Variants in MAP3K5 observed in about 807,000 individuals in gnomAD.
MAP3K5 encodes mitogen-activated protein kinase kinase kinase 5.
In MAP3K5, 56 loss-of-function variants were observed where a neutral mutation model predicts 158.7. That is an observed-to-expected ratio of 0.35 (90% CI 0.28 to 0.44). MAP3K5 has a LOEUF of 0.44. Ranked by LOEUF, MAP3K5 falls within the 20% of genes least tolerant of loss-of-function variation. The pLI is 1.00. For synonymous variants in MAP3K5, 579 were observed against 601.7 expected, an observed-to-expected ratio of 0.96 and a Z score of 0.55; for missense variants, 1,294 against 1,674.8, an observed-to-expected ratio of 0.77 and a Z score of 3.97.
intron 1 of MAP3K5, among the ~76,000 whole-genome samples, chr6:136,784,166 T>G (rs546215529): frequency 6.6e-6 from 1 of 152,172 alleles, no homozygotes; most frequent in Admixed American, 6.5e-5. Context: ...AACTACCAAC[T>G]GATAATGTCT....
At chr6:136,707,706 C>T (rs573057854) in intron 2 of MAP3K5, among the ~76,000 whole-genome samples, 1 of 152,178 alleles carries the variant, frequency 6.6e-6, no homozygotes, top group Non-Finnish European at 1.5e-5. Context: ...TCTGTGAGCA[C>T]CTGGCAGTCA....
chr6:136,789,315 CAAATA>C (rs1218590491), intron 1 of MAP3K5, among the ~76,000 whole-genome samples: 1 of 152,076 alleles, frequency 6.6e-6, no homozygotes, highest in Non-Finnish European at 1.5e-5. Context: ...GTCTCTAAAA[CAAATA>C]AAATAAAATA....
chr6:136,590,269 T>C (rs1396359924), intron 23 of MAP3K5, among the ~76,000 whole-genome samples: 2 of 152,318 alleles, frequency 1.3e-5, no homozygotes, highest in East Asian at 3.9e-4. Context: ...CTTTTCTTTA[T>C]AAATTACTGA....
intron 2 of MAP3K5, among the ~76,000 whole-genome samples, chr6:136,706,441 G>A (rs939454609): frequency 2.6e-5 from 4 of 152,148 alleles, no homozygotes; most frequent in Non-Finnish European, 5.9e-5. Context: ...TACAGACACC[G>A]GAGAGACGAT....
chr6:136,770,181 T>TG (rs1360430770), intron 1 of MAP3K5, among the ~76,000 whole-genome samples: 8 of 152,176 alleles, frequency 5.3e-5, no homozygotes, highest in African/African-American at 1.9e-4. Context: ...GAGACCATGT[T>TG]GGGGCATCTC....
At chr6:136,581,630 CT>C (rs1035089953) in intron 24 of MAP3K5, among the ~76,000 whole-genome samples, 1 of 152,306 alleles carries the variant, frequency 6.6e-6, no homozygotes, top group African/African-American at 2.4e-5. Context: ...CATGCCTGTC[CT>C]TGGTCCATCT....
intron 2 of MAP3K5, among the ~76,000 whole-genome samples, chr6:136,709,328 C>A (rs1402368987): frequency 6.6e-6 from 1 of 152,152 alleles, no homozygotes; most frequent in East Asian, 1.9e-4. Context: ...GCTCTGCTCC[C>A]AGCTAGCCAT....
chr6:136,632,562 A>G (rs1226706288), intron 14 of MAP3K5, among the ~76,000 whole-genome samples: 1 of 152,178 alleles, frequency 6.6e-6, no homozygotes, highest in Admixed American at 6.5e-5. Flanking sequence ...GGGGAGTCGC[A>G]GGATTAAATC....
chr6:136,601,700 T>C (rs190499856), intron 20 of MAP3K5, 102 bp downstream of exon 20: 9 of 989,930 alleles, frequency 9.1e-6, no homozygotes, highest in Middle Eastern at 2.7e-4. Flanking sequence ...CAATTTCCAG[T>C]GATATCTGTA....
intron 1 of MAP3K5, among the ~76,000 whole-genome samples, chr6:136,771,942 C>G (rs1385932916): frequency 6.6e-6 from 1 of 151,304 alleles, no homozygotes; most frequent in Non-Finnish European, 1.5e-5. Context: ...TTTTTTGAGA[C>G]ACAGTCTTGC....
intron 7 of MAP3K5, among the ~76,000 whole-genome samples, chr6:136,672,915 C>T (rs575275216): frequency 4.0e-4 from 59 of 149,190 alleles, no homozygotes; most frequent in African/African-American, 1.4e-3. Context: ...ACTTGAACCC[C>T]GGAGGTGGAG....
chr6:136,690,803 A>G (rs1780351110), intron 7 of MAP3K5, among the ~76,000 whole-genome samples: 1 of 151,986 alleles, frequency 6.6e-6, no homozygotes, highest in South Asian at 2.1e-4. Flanking sequence ...TTCCAGTGCT[A>G]TATGCTTTTT....
chr6:136,570,480 T>G (rs1330350883), intron 25 of MAP3K5, among the ~76,000 whole-genome samples: 1 of 152,196 alleles, frequency 6.6e-6, no homozygotes, highest in Non-Finnish European at 1.5e-5. Context: ...CCCGGTCCTG[T>G]AACATCTAGA....
chr6:136,649,756 T>C (rs1407390090), intron 11 of MAP3K5, among the ~76,000 whole-genome samples: 2 of 152,248 alleles, frequency 1.3e-5, no homozygotes, highest in Non-Finnish European at 2.9e-5. Flanking sequence ...GTAGTTAAGA[T>C]ATATTGAACA....
intron 27 of MAP3K5, 60 bp from the exon 28 acceptor site, chr6:136,561,705 C>T (rs1583184154): frequency 1.1e-5 from 10 of 910,552 alleles, no homozygotes; most frequent in Non-Finnish European, 1.6e-5. Flanking sequence ...ATCTGAGACC[C>T]TCACAATCAA....
intron 18 of MAP3K5, among the ~76,000 whole-genome samples, chr6:136,608,881 T>C (rs11154876): frequency 0.011 from 1,750 of 152,322 alleles, 29 homozygotes; most frequent in East Asian, 0.083. Flanking sequence ...TGCAGACCAA[T>C]TTATTGACTG....
chr6:136,708,428 G>A (rs1781167337), intron 2 of MAP3K5, among the ~76,000 whole-genome samples: 1 of 151,776 alleles, frequency 6.6e-6, no homozygotes, highest in Non-Finnish European at 1.5e-5. Flanking sequence ...GCTAATTTTT[G>A]TATTTTTAGT....
At chr6:136,758,349 TG>T (rs1225875866) in intron 1 of MAP3K5, among the ~76,000 whole-genome samples, 1 of 152,266 alleles carries the variant, frequency 6.6e-6, no homozygotes, top group Non-Finnish European at 1.5e-5. Context: ...GATGTTCCCA[TG>T]ATAGAATTTT....
At chr6:136,602,270 T>C (rs572572781) in intron 19 of MAP3K5, among the ~76,000 whole-genome samples, 33 of 152,288 alleles carry the variant, frequency 2.2e-4, no homozygotes, top group African/African-American at 6.5e-4. Context: ...TATTGGTACA[T>C]TGGCACACAA....
Sources: gnomAD v4.1 joint callset for allele counts (sites outside exome capture counted in the v4.1 genomes callset) on GRCh38, gnomAD v4.1.1 for gene constraint, MANE v1.5 for transcripts, NCBI Gene and HGNC (gene_info 2026-07-23, HGNC 2026-07-21) for gene names.